SDCCAG8: variants seen among roughly 807,000 people sequenced by gnomAD.
The protein encoded by SDCCAG8 is serologically defined colon cancer antigen 8.
SDCCAG8 carries 74 observed loss-of-function variants against 101.8 expected under a neutral mutation model. The ratio of observed to expected loss-of-function variants is 0.73; its 90% CI spans 0.60 to 0.88. The LOEUF is 0.88. SDCCAG8 is among the 40% of genes least tolerant of loss of function. The pLI is 0.00. For synonymous variants in SDCCAG8, 281 were observed against 292.9 expected (o/e 0.96, Z 0.41); for missense variants, 787 against 822.6 (o/e 0.96, Z 0.53).
chr1:243,343,974 C>A (rs1387272977), intron 11 of SDCCAG8, among the ~76,000 whole-genome samples: 1 of 152,168 alleles, frequency 6.6e-6, no homozygotes, highest in Admixed American at 6.5e-5. Context: ...GGGCACATTA[C>A]TTAAATTCCT....
At position 243,440,281 on chromosome 1, in the gene SDCCAG8, C is replaced by T. The variant is rs368110664; in HGVS notation, c.1985+13723C>T. Among the ~76,000 whole-genome samples the T allele has an allele frequency of 1.4e-3, 212 of 152,124 alleles. 2 individuals carry two copies. Among genetic ancestry groups the T allele is most frequent in the African/African-American group, 4.6e-3 (190 of 41,478 alleles). On this transcript the variant is annotated intron_variant, in intron 16 of 17. Coordinates refer to ENST00000366541, the MANE Select transcript of SDCCAG8 (RefSeq NM_006642.5). ...AAATAAGTTCTTCGGTTTTATTCTG[C>T]AATTCACACTTAATAGTATATCATT...
At chr1:243,437,531 C>CTTTTT (rs931257839) in intron 16 of SDCCAG8, among the ~76,000 whole-genome samples, 9 of 129,588 alleles carry the variant, frequency 6.9e-5, no homozygotes, top group African/African-American at 1.1e-4. Flanking sequence ...TGGAGGAATT[C>CTTTTT]TTTTTTTTTT....
chr1:243,277,073 C>T (rs2068635067), intron 4 of SDCCAG8, among the ~76,000 whole-genome samples: 1 of 152,122 alleles, frequency 6.6e-6, no homozygotes, highest in South Asian at 2.1e-4. Flanking sequence ...TTTGTTGCTT[C>T]CAAGTTTTGG....
chr1:243,295,551 C>T (rs1267592225), intron 6 of SDCCAG8, among the ~76,000 whole-genome samples: 1 of 152,168 alleles, frequency 6.6e-6, no homozygotes, highest in Admixed American at 6.5e-5. Context: ...CTTCTCCCGT[C>T]ACTCTTACAA....
intron 13 of SDCCAG8, among the ~76,000 whole-genome samples, chr1:243,404,306 C>T (rs541693705): frequency 3.3e-5 from 5 of 152,004 alleles, no homozygotes; most frequent in African/African-American, 7.3e-5. Context: ...TGGAAAGGGC[C>T]GCTCTGTAGC....
chr1:243,312,502 T>C (rs2072827321), intron 8 of SDCCAG8, among the ~76,000 whole-genome samples: 1 of 151,524 alleles, frequency 6.6e-6, no homozygotes, highest in South Asian at 2.1e-4. Context: ...AGATCAGGAG[T>C]TTGAGACCAG....
At chr1:243,285,323 G>A (rs2069502754) in intron 4 of SDCCAG8, among the ~76,000 whole-genome samples, 1 of 152,112 alleles carries the variant, frequency 6.6e-6, no homozygotes, top group African/African-American at 2.4e-5. Context: ...TCAGTTTTGG[G>A]GCAGCAGTTT....
At chr1:243,431,367 G>A (rs1415576782) in intron 16 of SDCCAG8, among the ~76,000 whole-genome samples, 2 of 152,140 alleles carry the variant, frequency 1.3e-5, no homozygotes, top group African/African-American at 4.8e-5. Context: ...GAGAAGAGGA[G>A]CGTGTCAAGG....
At chr1:243,307,861 T>C (rs1335649737) in intron 7 of SDCCAG8, 128 bp from the exon 8 acceptor site, 7 of 1,533,888 alleles carry the variant, frequency 4.6e-6, no homozygotes. Flanking sequence ...TAATAAGGTA[T>C]TGGACGTAAA....
At chr1:243,294,506 C>CGAGAGAGATAGAGAGAGAGAGAGAGAGA (rs2070636136) in intron 6 of SDCCAG8, among the ~76,000 whole-genome samples, 1 of 105,884 alleles carries the variant, frequency 9.4e-6, no homozygotes, top group Non-Finnish European at 1.9e-5. Flanking sequence ...AGAGAAAGAG[C>CGAGAGAGATAGAGAGAGAGAGAGAGAGA]GAGAGAGAGA....
intron 15 of SDCCAG8, among the ~76,000 whole-genome samples, chr1:243,421,294 TCA>T (rs531735412): frequency 5.8e-4 from 89 of 152,348 alleles, no homozygotes; most frequent in African/African-American, 2.1e-3. Context: ...GATTTTAAAC[TCA>T]CAGATCTAGT....
Position 243,415,743 on chromosome 1 carries a change from C to A in SDCCAG8, c.1658C>A (p.Ala553Glu). The change falls in exon 14 of 18, where the codon GCA becomes GAA. Residue 553 changes from alanine to glutamate, a missense_variant. Physicochemically the swap from Ala to Glu is moderately radical, Grantham distance 107. Transcript: ENST00000366541. Reference protein sequence around the residue: ...DSIQQSFSKEAKAQALQAQQR... With the variant: ...DSIQQSFSKEEKAQALQAQQR... Reference sequence around the variant, plus strand: ...ATTCAGCAGAGCTTTAGCAAGGAAGCAAAGGCCCAAGCCCTTCAGGCCCAG... The same window carrying A: ...ATTCAGCAGAGCTTTAGCAAGGAAGAAAAGGCCCAAGCCCTTCAGGCCCAG... 1 of 1,613,858 alleles carries A rather than the reference C, an allele frequency of 6.2e-7. No homozygotes were observed. Among genetic ancestry groups the A allele is most frequent in the Non-Finnish European group, 8.5e-7 (1 of 1,179,810 alleles).
chr1:243,270,023 T>G, intron 1 of SDCCAG8, 82 bp from the exon 2 acceptor site: 3 of 1,596,352 alleles, frequency 1.9e-6, no homozygotes, highest in South Asian at 2.2e-5. Flanking sequence ...GATTTCACCT[T>G]TAAAAACTGC....
intron 10 of SDCCAG8, among the ~76,000 whole-genome samples, chr1:243,339,106 T>G (rs1324664232): frequency 2.4e-5 from 3 of 126,712 alleles, no homozygotes; most frequent in African/African-American, 6.1e-5. Flanking sequence ...GAAAGTGGGG[T>G]GGGCGGCAGG....
Position 243,489,123 on chromosome 1 carries a change from G to A in SDCCAG8, c.2095G>A (p.Asp699Asn). ...GAGGCAGAGCCTGTCGGAAGAGGTG[G>A]ACCGGCTGCGGACCCAGGTACTGTG... ...LERQSLSEEV[D>N]RLRTQLPSMP... Residue 699 changes from aspartate to asparagine, a missense_variant, in exon 17 of 18, where the codon GAC becomes AAC. Transcript: ENST00000366541. 6.2e-7 allele frequency: 1 copy of A among 1,612,650 alleles called. No individual in the cohort carries two copies. The highest frequency in any genetic ancestry group is 8.5e-7 in the Non-Finnish European group (1 of 1,179,962).
At chr1:243,491,214 G>A (rs1420110766) in intron 17 of SDCCAG8, among the ~76,000 whole-genome samples, 1 of 152,172 alleles carries the variant, frequency 6.6e-6, no homozygotes, top group African/African-American at 2.4e-5. Flanking sequence ...GCTTCTTCCA[G>A]GGCTTTAAAA....
chr1:243,366,178 T>C (rs1447506078), intron 12 of SDCCAG8, among the ~76,000 whole-genome samples: 1 of 152,090 alleles, frequency 6.6e-6, no homozygotes, highest in African/African-American at 2.4e-5. Flanking sequence ...AAATCAGTTA[T>C]AACTTTATGA....
intron 16 of SDCCAG8, among the ~76,000 whole-genome samples, chr1:243,464,053 C>A (rs77446675): frequency 1.7e-3 from 258 of 152,242 alleles, no homozygotes; most frequent in Middle Eastern, 0.014. Flanking sequence ...AAATTGTTAA[C>A]ATGGTTGGAT....
chr1:243,281,186 G>A (rs978599153), intron 4 of SDCCAG8, among the ~76,000 whole-genome samples: 1 of 151,170 alleles, frequency 6.6e-6, no homozygotes, highest in Non-Finnish European at 1.5e-5. Context: ...AATTCATATT[G>A]CTACTCCAAC....
Sources: allele counts gnomAD v4.1 joint callset (sites outside exome capture counted in the v4.1 genomes callset), GRCh38; gene constraint gnomAD v4.1.1; transcripts MANE v1.5; gene names NCBI Gene and HGNC (gene_info 2026-07-23, HGNC 2026-07-21).